ARHGAP18: variants seen among roughly 807,000 people sequenced by gnomAD.
ARHGAP18 encodes rho GTPase-activating protein 18.
In ARHGAP18, 67 loss-of-function variants were observed where a neutral mutation model predicts 86.2. That is an observed-to-expected ratio of 0.78 (90% CI 0.64 to 0.95). The LOEUF is 0.95. Among genes scored for constraint, ARHGAP18 ranks in the 40% least tolerant of loss-of-function variants. The pLI is 0.00. For missense variants in ARHGAP18, 691 were observed against 780.4 expected (o/e 0.89, Z 1.37); for synonymous variants, 283 against 280.4 (o/e 1.01, Z -0.09).
chr6:129,642,452 T>A (rs909228569), intron 1 of ARHGAP18, among the ~76,000 whole-genome samples: 2 of 144,446 alleles, frequency 1.4e-5, no homozygotes, highest in Non-Finnish European at 1.5e-5. Context: ...GCCCAGCTAA[T>A]TTTTTTTTTT....
At chr6:129,707,397 T>C (rs11154494) in intron 1 of ARHGAP18, among the ~76,000 whole-genome samples, 1 of 152,064 alleles carries the variant, frequency 6.6e-6, no homozygotes, top group Non-Finnish European at 1.5e-5. Context: ...AAAGTTATAC[T>C]TCCGTGCTAT....
rs6569611 is a variant in ARHGAP18 at position 129,586,268 on chromosome 6, G to T, written c.1714-2156C>A. Reference sequence around the variant, plus strand: ...CACCTTTAACATTAGACTGAAAATTGTAATAGCAACATCTGAAGCACTGAG... The same window carrying T: ...CACCTTTAACATTAGACTGAAAATTTTAATAGCAACATCTGAAGCACTGAG... On this transcript the variant is annotated intron_variant, in intron 12 of 14. Coordinates refer to ENST00000368149, the MANE Select transcript of ARHGAP18 (RefSeq NM_033515.3). Among the ~76,000 whole-genome samples, 942 of 152,246 alleles carry T rather than the reference G, an allele frequency of 6.2e-3. 10 individuals carry two copies. The highest frequency in any genetic ancestry group is 0.022 in the African/African-American group (904 of 41,538).
intron 12 of ARHGAP18, among the ~76,000 whole-genome samples, chr6:129,597,104 T>C (rs1788628491): frequency 6.6e-6 from 1 of 152,100 alleles, no homozygotes; most frequent in Non-Finnish European, 1.5e-5. Context: ...CTCTCCCTAA[T>C]AAAATGGCAT....
At chr6:129,706,620 C>T (rs1463529241) in intron 1 of ARHGAP18, among the ~76,000 whole-genome samples, 1 of 152,206 alleles carries the variant, frequency 6.6e-6, no homozygotes, top group Admixed American at 6.5e-5. Flanking sequence ...GGTGCAGTGG[C>T]TCATGCCTGT....
intron 1 of ARHGAP18, among the ~76,000 whole-genome samples, chr6:129,682,414 T>C (rs1774340219): frequency 6.6e-6 from 1 of 152,160 alleles, no homozygotes; most frequent in African/African-American, 2.4e-5. Flanking sequence ...CCCAGAACAA[T>C]ACATGAGGTC....
intron 1 of ARHGAP18, among the ~76,000 whole-genome samples, chr6:129,670,486 C>G (rs1238912848): frequency 6.6e-6 from 1 of 152,114 alleles, no homozygotes; most frequent in Non-Finnish European, 1.5e-5. Context: ...TCACAGGTAA[C>G]GTTTTTCCTG....
At chr6:129,638,156 C>T (rs1310913016) in intron 3 of ARHGAP18, among the ~76,000 whole-genome samples, 1 of 152,202 alleles carries the variant, frequency 6.6e-6, no homozygotes, top group Non-Finnish European at 1.5e-5. Context: ...AGGACACCCT[C>T]TTCTCCTAAT....
At chr6:129,588,949 T>A (rs569215878) in intron 12 of ARHGAP18, among the ~76,000 whole-genome samples, 4 of 152,224 alleles carry the variant, frequency 2.6e-5, no homozygotes, top group Non-Finnish European at 5.9e-5. Context: ...TTGGCCCCTT[T>A]TAGCCATGGC....
intron 1 of ARHGAP18, among the ~76,000 whole-genome samples, chr6:129,650,204 G>C (rs867320278): frequency 6.6e-6 from 1 of 151,856 alleles, no homozygotes; most frequent in Non-Finnish European, 1.5e-5. Flanking sequence ...GATCACAGGC[G>C]TGAGTCACTG....
intron 5 of ARHGAP18, among the ~76,000 whole-genome samples, chr6:129,626,144 G>A (rs1003633335): frequency 7.9e-5 from 11 of 139,050 alleles, no homozygotes; most frequent in East Asian, 2.1e-4. Context: ...TCAGATGTCC[G>A]CCATAGGGGG....
At chr6:129,622,204 CCT>C (rs1789244640) in intron 5 of ARHGAP18, among the ~76,000 whole-genome samples, 1 of 152,080 alleles carries the variant, frequency 6.6e-6, no homozygotes, top group Non-Finnish European at 1.5e-5. Flanking sequence ...TTCGTGTTCC[CCT>C]GATTTTCTGT....
chr6:129,597,758 T>TAA (rs1788644160), intron 12 of ARHGAP18, among the ~76,000 whole-genome samples: 1 of 152,128 alleles, frequency 6.6e-6, no homozygotes, highest in Non-Finnish European at 1.5e-5. Context: ...GAGGTAAAGT[T>TAA]ACAGCTAATA....
At chr6:129,599,425 TTA>T in intron 11 of ARHGAP18, 69 bp from the exon 12 acceptor site, 1 of 1,261,456 alleles carries the variant, frequency 7.9e-7, no homozygotes, top group Non-Finnish European at 1.0e-6. Context: ...CAAAAAAAAA[TTA>T]TATTTTTTTA....
At chr6:129,683,233 G>A (rs938227079) in intron 1 of ARHGAP18, among the ~76,000 whole-genome samples, 4 of 151,838 alleles carry the variant, frequency 2.6e-5, no homozygotes, top group Admixed American at 6.6e-5. Flanking sequence ...CACCACGCCC[G>A]GCTAACTTTT....
chr6:129,688,390 T>G (rs1245058733), intron 1 of ARHGAP18, among the ~76,000 whole-genome samples: 1 of 152,208 alleles, frequency 6.6e-6, no homozygotes, highest in Non-Finnish European at 1.5e-5. Context: ...CTTCCAGTCC[T>G]GTAACACAGA....
intron 1 of ARHGAP18, among the ~76,000 whole-genome samples, chr6:129,686,957 AT>A (rs1227100343): frequency 2.6e-5 from 3 of 113,398 alleles, no homozygotes; most frequent in Admixed American, 9.5e-5. Flanking sequence ...CACCTGGCTA[AT>A]TTTTTTTTCT....
At chr6:129,700,870 C>CA (rs1175630506) in intron 1 of ARHGAP18, among the ~76,000 whole-genome samples, 1 of 152,006 alleles carries the variant, frequency 6.6e-6, no homozygotes, top group Non-Finnish European at 1.5e-5. Context: ...AATCTAGCTC[C>CA]AAAATCTGTG....
chr6:129,676,912 CCTCTTTTTTTTTTTTTTTTT>C (rs746321533), intron 1 of ARHGAP18, among the ~76,000 whole-genome samples: 7,591 of 103,872 alleles, frequency 0.073, 338 homozygotes, highest in Admixed American at 0.12. Flanking sequence ...AATTTTTTGT[CCTCTTTTTTTTTTTTTTTTT>C]TTTTTTTTTT....
At chr6:129,580,205 G>T in intron 13 of ARHGAP18, 74 bp from the exon 14 acceptor site, 3 of 1,314,864 alleles carry the variant, frequency 2.3e-6, no homozygotes, top group Non-Finnish European at 3.3e-6. Flanking sequence ...ACGTGCTTGG[G>T]GAATTCTGGC....
Sources: allele counts gnomAD v4.1 joint callset (sites outside exome capture counted in the v4.1 genomes callset), GRCh38; gene constraint gnomAD v4.1.1; transcripts MANE v1.5; gene names NCBI Gene and HGNC (gene_info 2026-07-23, HGNC 2026-07-21).